SAFB2: variants seen among roughly 807,000 people sequenced by gnomAD.
SAFB2 encodes the protein scaffold attachment factor B2.
In SAFB2, 32 loss-of-function variants were observed where a neutral mutation model predicts 100.6. The observed-to-expected ratio is 0.32, with a 90% confidence interval of 0.24 to 0.43. The LOEUF (loss-of-function observed/expected upper bound fraction) is 0.43. Among genes scored for constraint, SAFB2 ranks in the 20% least tolerant of loss-of-function variants. The probability of loss-of-function intolerance (pLI) is 1.00; values close to 1 mark genes in which losing one functional copy is unlikely to be tolerated. For synonymous variants in SAFB2, 500 were observed against 439.4 expected (o/e 1.14, Z -1.72); for missense variants, 1,185 against 1,163.4 (o/e 1.02, Z -0.27).
chr19:5,594,559 C>A (rs1272299946), intron 14 of SAFB2, among the ~76,000 whole-genome samples: 3 of 152,152 alleles, frequency 2.0e-5, no homozygotes, highest in Admixed American at 1.3e-4. Flanking sequence ...GGAGCCGCGG[C>A]AAAATGACAA....
At chr19:5,613,024 G>A (rs2052942716) in intron 5 of SAFB2, among the ~76,000 whole-genome samples, 1 of 152,238 alleles carries the variant, frequency 6.6e-6, no homozygotes, top group South Asian at 2.1e-4. Context: ...TAGGACAATA[G>A]GTCCAATCCT....
At chr19:5,592,979 TCC>T in intron 15 of SAFB2, 92 bp from the exon 16 acceptor site, 1 of 1,198,046 alleles carries the variant, frequency 8.3e-7, no homozygotes. Flanking sequence ...GGGAGCTCTC[TCC>T]CCAGACCCAG....
chr19:5,622,572 G>A lies in SAFB2; in HGVS notation c.144C>T (p.Asp48=), dbSNP rs539302768. ...LRAELKKRNL[D]TGGNKSVLME... is the part of the protein sequence containing the mutation. ...TCAGGACGCTCTTGTTGCCGCCCGT[G>A]TCCAGGTTCCGCTTCTTCAGCTCCG... is the stretch of plus-strand genomic sequence containing the variant. Residue 48 remains aspartate (D), a synonymous_variant, in exon 1 of 21, where the codon GAC becomes GAT. Coordinates refer to ENST00000252542, the MANE Select transcript of SAFB2 (RefSeq NM_014649.3). 8 of 1,613,354 alleles carry A rather than the reference G, an allele frequency of 5.0e-6. No homozygotes were observed. The highest frequency in any genetic ancestry group is 3.3e-5 in the South Asian group (3 of 91,064).
In SAFB2 at chr19:5,595,458, TTTC is replaced by T; in HGVS notation, c.1819_1821del (p.Glu607del). On this transcript the variant is annotated inframe_deletion, in exon 14 of 21. Coordinates refer to ENST00000252542, the MANE Select transcript of SAFB2 (RefSeq NM_014649.3). ...TTATCAAACGACAAGATGTCTCTCTTTTCTTTGCTTTCTGACTTGCGATCCTGA... is the reference window on the plus strand; with the variant it reads ...TTATCAAACGACAAGATGTCTCTCTTTTTGCTTTCTGACTTGCGATCCTGA... 3 of 1,613,976 alleles carry T rather than the reference TTTC, an allele frequency of 1.9e-6. No individual in the cohort carries two copies. The highest frequency in any genetic ancestry group is 2.5e-6 in the Non-Finnish European group (3 of 1,180,026).
chr19:5,605,981 C>T (rs2052766221), intron 9 of SAFB2, among the ~76,000 whole-genome samples: 1 of 152,188 alleles, frequency 6.6e-6, no homozygotes, highest in African/African-American at 2.4e-5. Context: ...CCACCCAGTG[C>T]ACACGTGTGC....
chr19:5,618,814 C>G (rs556356804), intron 2 of SAFB2, among the ~76,000 whole-genome samples: 1 of 152,316 alleles, frequency 6.6e-6, no homozygotes, highest in African/African-American at 2.4e-5. Flanking sequence ...CATTGGCCAA[C>G]GAAAAGCTGC....
intron 4 of SAFB2, chr19:5,613,784 T>C: frequency 1.0e-6 from 1 of 979,954 alleles, no homozygotes; most frequent in Non-Finnish European, 1.2e-6. Context: ...ACGAATGAAT[T>C]TCCCAGGCAG....
rs537317034 is a variant in SAFB2, at chr19:5,591,573, C to T, written c.2394+175G>A. The stretch of plus-strand genomic sequence containing the variant: ...GATTACAGGCATGAGCCACCACGTC[C>T]GACTAAATATTTGTACTTCTAGTCG... On this transcript the variant is annotated intron_variant, in intron 17 of 20. Transcript: ENST00000252542. 608 of 597,750 alleles carry T rather than the reference C, an allele frequency of 1.0e-3. 1 individual carries two copies. The highest frequency in any genetic ancestry group is 1.5e-3 in the Non-Finnish European group (515 of 336,930). The allele number at this position is 597,750 out of a possible 1,614,324, so 37.0% of individuals were successfully genotyped here. A position where few individuals can be genotyped will look rare whatever the true frequency, so the allele number is the denominator to read the frequency against.
Position 5,587,679 on chromosome 19 carries a change from C to A in SAFB2, c.2705+22G>T, listed in dbSNP as rs1246320902. The A allele has an allele frequency of 2.6e-6, 4 of 1,540,988 alleles. No individual in the cohort carries two copies. Among genetic ancestry groups the A allele is most frequent in the Non-Finnish European group, 2.6e-6 (3 of 1,141,816 alleles). ...TGAGGAGCAGGAGTGAACCACCGTC[C>A]TCCACGGACGACACACCTTACCCCG... On this transcript the variant is annotated intron_variant, in intron 20 of 20. Transcript: ENST00000252542. The surrounding 1 kb of genome is among the most constrained non-coding windows in gnomAD (Gnocchi z 4.9).
chr19:5,621,092 A>AT (rs1275378821), intron 2 of SAFB2, among the ~76,000 whole-genome samples: 1 of 152,176 alleles, frequency 6.6e-6, no homozygotes, highest in Admixed American at 6.5e-5. Context: ...CGTTTTTCGT[A>AT]TATTTTAATT....
intron 7 of SAFB2, 36 bp downstream of exon 7, chr19:5,611,084 A>G (rs1199805407): frequency 3.1e-6 from 1 of 318,468 alleles, no homozygotes; most frequent in African/African-American, 2.5e-5. Context: ...AATGAAAAGG[A>G]GATAGCGTCT....
At chr19:5,611,897 C>A in intron 6 of SAFB2, 3 of 583,374 alleles carry the variant, frequency 5.1e-6, no homozygotes, top group Non-Finnish European at 9.3e-6. Flanking sequence ...TCTCAATAGT[C>A]TTCTTCGAGT....
intron 1 of SAFB2, 104 bp from the exon 2 acceptor site, chr19:5,621,500 G>T (rs750501759): frequency 2.0e-5 from 16 of 799,980 alleles, no homozygotes; most frequent in Non-Finnish European, 3.1e-5. Context: ...ACCCGTCCTT[G>T]CAAAGAGCAA....
Position 5,590,445 on chromosome 19 carries a change from T to C in SAFB2, c.2395-37A>G, listed in dbSNP as rs73920023. The C allele has an allele frequency of 1.0e-4, 161 of 1,563,002 alleles. No individual in the cohort carries two copies. The African/African-American group carries it at 1.8e-3, about 18-fold the overall frequency. On this transcript the variant is annotated intron_variant, in intron 17 of 20. Coordinates refer to ENST00000252542, the MANE Select transcript of SAFB2 (RefSeq NM_014649.3). ...GAGAGGAACAGGGTGACACTGACCA[T>C]GTCACCCACATAGGCCCACCTTCCG...
chr19:5,590,804 C>T (rs1286467791), intron 17 of SAFB2, among the ~76,000 whole-genome samples: 2 of 152,204 alleles, frequency 1.3e-5, no homozygotes, highest in Admixed American at 6.5e-5. Flanking sequence ...GCCACAATTC[C>T]GGCCTCCCTG....
At chr19:5,589,943 C>T (rs1049559858) in intron 18 of SAFB2, among the ~76,000 whole-genome samples, 8 of 152,186 alleles carry the variant, frequency 5.3e-5, no homozygotes, top group East Asian at 1.9e-4. Context: ...TGCTCTACCA[C>T]GGACGGGGCA....
chr19:5,592,771 T>A lies in SAFB2; in HGVS notation c.2324A>T (p.Gln775Leu). 6.2e-7 allele frequency: 1 copy of A among 1,614,110 alleles called. No individual in the cohort carries two copies. The highest frequency in any genetic ancestry group is 8.5e-7 in the Non-Finnish European group (1 of 1,180,000). The change falls in exon 16 of 21, where the codon CAG becomes CTG. Residue 775 changes from glutamine (Q) to leucine (L), a missense_variant. By Grantham distance (113) the Gln-to-Leu change is moderately radical. Coordinates refer to ENST00000252542, the MANE Select transcript of SAFB2 (RefSeq NM_014649.3). ...FHDFDHRDRG[Q>L]YQDHAIDRRE... ...CCTGTCGATGGCGTGGTCCTGGTAC[T>A]GGCCCCGGTCTCGATGATCGAAGTC...
At chr19:5,596,224 C>T (rs1324442588) in intron 13 of SAFB2, among the ~76,000 whole-genome samples, 1 of 152,246 alleles carries the variant, frequency 6.6e-6, no homozygotes, top group African/African-American at 2.4e-5. Flanking sequence ...GATTGCGCCA[C>T]TGTACTCCAG....
chr19:5,610,359 G>A (rs552904826), intron 8 of SAFB2: 15 of 584,672 alleles, frequency 2.6e-5, no homozygotes, highest in Middle Eastern at 4.1e-4. Context: ...CATCCAAGAC[G>A]GCAGTCTCTA....
Sources: gnomAD v4.1 joint callset for allele counts (sites outside exome capture counted in the v4.1 genomes callset) on GRCh38, gnomAD v4.1.1 for gene constraint, Gnocchi (gnomAD v3.1) non-coding constraint, MANE v1.5 for transcripts, NCBI Gene and HGNC (gene_info 2026-07-23, HGNC 2026-07-21) for gene names.